Variants in ATP9B observed in about 807,000 individuals in gnomAD.
The protein encoded by ATP9B is probable phospholipid-transporting ATPase IIB.
Under a neutral mutation model 146.1 loss-of-function variants are expected in ATP9B, and 110 were observed. That is an observed-to-expected ratio of 0.75 (90% CI 0.65 to 0.88). The LOEUF (loss-of-function observed/expected upper bound fraction) is 0.88. Ranked by LOEUF, ATP9B falls within the 40% of genes least tolerant of loss-of-function variation. The pLI is 0.00. For missense variants in ATP9B, 1,499 were observed against 1,496.4 expected (o/e 1.00, Z -0.03); for synonymous variants, 604 against 569.7 (o/e 1.06, Z -0.86).
chr18:79,111,706 C>T (rs1161795339), intron 3 of ATP9B, among the ~76,000 whole-genome samples: 1 of 152,178 alleles, frequency 6.6e-6, no homozygotes, highest in Admixed American at 6.5e-5. Context: ...TTAAAGCCAG[C>T]AGTGCAGCTT....
intron 9 of ATP9B, among the ~76,000 whole-genome samples, chr18:79,203,666 G>A (rs1337188029): frequency 1.3e-5 from 2 of 152,140 alleles, no homozygotes; most frequent in African/African-American, 2.4e-5. Context: ...CTGAATTTAT[G>A]GTAGATAAAA....
intron 4 of ATP9B, among the ~76,000 whole-genome samples, chr18:79,114,423 C>T (rs1239739940): frequency 3.3e-5 from 5 of 152,206 alleles, no homozygotes; most frequent in Non-Finnish European, 7.4e-5. Flanking sequence ...CAGTCTGCTC[C>T]CGAGGGGTCT....
chr18:79,150,835 C>T (rs1328108557), intron 6 of ATP9B, among the ~76,000 whole-genome samples: 1 of 152,046 alleles, frequency 6.6e-6, no homozygotes, highest in African/African-American at 2.4e-5. Flanking sequence ...ATTAGCCAGG[C>T]ACAGTGGCAT....
At chr18:79,307,424 C>A in intron 15 of ATP9B, 190 bp downstream of exon 15, 1 of 822,114 alleles carries the variant, frequency 1.2e-6, no homozygotes, top group Non-Finnish European at 1.8e-6. Context: ...CTGGGCCTTG[C>A]ACATGCAAAT....
At chr18:79,156,226 G>C (rs1020836850) in intron 7 of ATP9B, among the ~76,000 whole-genome samples, 5 of 152,140 alleles carry the variant, frequency 3.3e-5, no homozygotes, top group Non-Finnish European at 7.3e-5. Flanking sequence ...TCCCAACTGT[G>C]GCAGGGACTG....
rs537997918 is a variant in ATP9B at position 79,233,627 on chromosome 18, G to A, written c.1107+19589G>A. Among the ~76,000 whole-genome samples, 3 of 152,320 alleles carry A rather than the reference G, an allele frequency of 2.0e-5. No homozygotes were observed. The East Asian group carries it at 5.8e-4, about 29-fold the overall frequency. ...CACCCTCACGAGAGGTGGGGCTTAG[G>A]TGTGTCGTTACAGATGTTGATGAAC... On this transcript the variant is annotated intron_variant, in intron 11 of 29. Coordinates refer to ENST00000426216, the MANE Select transcript of ATP9B (RefSeq NM_198531.5).
intron 6 of ATP9B, among the ~76,000 whole-genome samples, chr18:79,153,696 G>C (rs930140835): frequency 6.6e-6 from 1 of 150,512 alleles, no homozygotes; most frequent in East Asian, 1.9e-4. Flanking sequence ...TGCTTGCCAG[G>C]CTGAAGTGCA....
chr18:79,072,595 G>C (rs1341264238), intron 1 of ATP9B, among the ~76,000 whole-genome samples: 1 of 151,892 alleles, frequency 6.6e-6, no homozygotes, highest in African/African-American at 2.4e-5. Flanking sequence ...TTCTTTTCCC[G>C]ACATTTCCCC....
intron 12 of ATP9B, among the ~76,000 whole-genome samples, chr18:79,272,320 GGCA>G (rs1313252778): frequency 6.6e-6 from 1 of 152,152 alleles, no homozygotes; most frequent in Non-Finnish European, 1.5e-5. Context: ...TTGTTCCAGC[GGCA>G]CAGCATGTGT....
intron 11 of ATP9B, 70 bp downstream of exon 11, chr18:79,214,108 T>A: frequency 4.9e-6 from 5 of 1,030,888 alleles, no homozygotes; most frequent in Non-Finnish European, 6.9e-6. Context: ...TCTGCATAGT[T>A]CTGAATAGCT....
At chr18:79,268,508 T>A (rs2096225924) in intron 12 of ATP9B, among the ~76,000 whole-genome samples, 1 of 152,208 alleles carries the variant, frequency 6.6e-6, no homozygotes, top group Non-Finnish European at 1.5e-5. Flanking sequence ...TGGTTTCTGT[T>A]CTTTTAGTAG....
intron 1 of ATP9B, among the ~76,000 whole-genome samples, chr18:79,093,102 G>T (rs1218266088): frequency 6.6e-6 from 1 of 152,158 alleles, no homozygotes; most frequent in African/African-American, 2.4e-5. Flanking sequence ...GTCACTAGGT[G>T]TTAGGAATTT....
At chr18:79,133,815 C>T (rs1226074603) in intron 5 of ATP9B, among the ~76,000 whole-genome samples, 1 of 152,174 alleles carries the variant, frequency 6.6e-6, no homozygotes, top group Non-Finnish European at 1.5e-5. Context: ...GGACTGAGGT[C>T]TGCCCCCCGC....
At chr18:79,275,197 A>G (rs2096294424) in intron 12 of ATP9B, among the ~76,000 whole-genome samples, 1 of 152,252 alleles carries the variant, frequency 6.6e-6, no homozygotes, top group Non-Finnish European at 1.5e-5. Context: ...CGTAATAGGA[A>G]GTCAAATCCC....
chr18:79,198,792 G>T (rs1200459632), intron 9 of ATP9B, among the ~76,000 whole-genome samples: 1 of 152,214 alleles, frequency 6.6e-6, no homozygotes, highest in African/African-American at 2.4e-5. Context: ...TCCAGAACTA[G>T]AAGTTGGTCT....
At chr18:79,277,261 G>A (rs2096321708) in intron 13 of ATP9B, 65 bp downstream of exon 13, 2 of 1,574,668 alleles carry the variant, frequency 1.3e-6, no homozygotes, top group Admixed American at 1.7e-5. Flanking sequence ...AAATAGCATA[G>A]CGTATAGATA....
At chr18:79,287,661 T>G (rs2096459009) in intron 13 of ATP9B, among the ~76,000 whole-genome samples, 1 of 151,962 alleles carries the variant, frequency 6.6e-6, no homozygotes, top group Non-Finnish European at 1.5e-5. Flanking sequence ...TCTGCTAGCT[T>G]TTGAATGTGT....
chr18:79,315,469 G>A (rs2096674242), intron 15 of ATP9B, among the ~76,000 whole-genome samples: 1 of 152,158 alleles, frequency 6.6e-6, no homozygotes, highest in Admixed American at 6.5e-5. Context: ...AAAATATAGA[G>A]ATGATTATAA....
chr18:79,105,429 T>C (rs1019077058), intron 2 of ATP9B, among the ~76,000 whole-genome samples: 1 of 152,214 alleles, frequency 6.6e-6, no homozygotes, highest in Middle Eastern at 3.2e-3. Context: ...TTGTAGATCC[T>C]GTAAGTAGTA....
Sources: allele counts gnomAD v4.1 joint callset (sites outside exome capture counted in the v4.1 genomes callset), GRCh38; gene constraint gnomAD v4.1.1; transcripts MANE v1.5; gene names NCBI Gene and HGNC (gene_info 2026-07-23, HGNC 2026-07-21).